The following LRRC4C variants were observed in gnomAD, a reference collection of about 807,000 sequenced individuals.
The protein encoded by LRRC4C is leucine rich repeat containing 4C, also known as leucine-rich repeat-containing protein 4C.
In LRRC4C, 5 loss-of-function variants were observed where a neutral mutation model predicts 33.6. The observed-to-expected ratio is 0.15, with a 90% CI of 0.08 to 0.31. The LOEUF (loss-of-function observed/expected upper bound fraction) is 0.31, where lower values mean the gene tolerates loss of function less well. Ranked by LOEUF, LRRC4C falls within the 10% of genes least tolerant of loss-of-function variation. The pLI is 1.00. For missense variants in LRRC4C, 560 were observed against 796.7 expected (o/e 0.70, Z 3.58); for synonymous variants, 329 against 302.0 (o/e 1.09, Z -0.93).
At chr11:41,230,825 C>T (rs191973857) in intron 1 of LRRC4C, among the ~76,000 whole-genome samples, 2,085 of 145,206 alleles carry the variant, frequency 0.014, 31 homozygotes, top group African/African-American at 0.05. Flanking sequence ...AGGCAACCTA[C>T]AGAATGGGAG....
intron 1 of LRRC4C, among the ~76,000 whole-genome samples, chr11:41,434,004 T>G (rs1955336681): frequency 6.6e-6 from 1 of 152,076 alleles, no homozygotes; most frequent in African/African-American, 2.4e-5. Flanking sequence ...ATTATAGAAC[T>G]TACTAAATAT....
At chr11:40,683,856 A>G (rs1281721672) in intron 2 of LRRC4C, among the ~76,000 whole-genome samples, 1 of 152,210 alleles carries the variant, frequency 6.6e-6, no homozygotes, top group Non-Finnish European at 1.5e-5. Context: ...TTGAAAAGGG[A>G]AAACATAAAC....
intron 1 of LRRC4C, among the ~76,000 whole-genome samples, chr11:41,353,086 A>C (rs950136191): frequency 3.3e-5 from 5 of 152,054 alleles, no homozygotes; most frequent in African/African-American, 1.2e-4. Flanking sequence ...AATAAAACCA[A>C]AAGTTGGTAC....
intron 1 of LRRC4C, among the ~76,000 whole-genome samples, chr11:41,026,461 G>A (rs548426213): frequency 6.6e-6 from 1 of 151,410 alleles, no homozygotes; most frequent in East Asian, 1.9e-4. Flanking sequence ...GAGCAAAGAA[G>A]GTGATTTCTT....
At chr11:40,650,659 G>C (rs1268853409) in intron 2 of LRRC4C, among the ~76,000 whole-genome samples, 1 of 151,754 alleles carries the variant, frequency 6.6e-6, no homozygotes, top group Non-Finnish European at 1.5e-5. Flanking sequence ...CACTTGTTTT[G>C]GCCTGAAATT....
rs781008302 is a variant in LRRC4C at position 40,116,263 on chromosome 11, C to T, written c.30G>A (p.Gln10=). 1.2e-6 allele frequency: 2 copies of T among 1,606,746 alleles called. No individual in the cohort carries two copies. The highest frequency in any genetic ancestry group is 1.7e-5 in the Admixed American group (1 of 59,656). ...TAAACCTAGGACCTATCATTATCTGCTGTGGATGTAAGGTCATCTTGTTCA... is the reference window on the plus strand; with the variant it reads ...TAAACCTAGGACCTATCATTATCTGTTGTGGATGTAAGGTCATCTTGTTCA... MLNKMTLHP[Q]QIMIGPRFNR... Residue 10 remains glutamine, a synonymous_variant, in exon 7 of 7, where the codon CAG becomes CAA. Transcript: ENST00000528697.
chr11:41,438,355 C>T (rs1413629235), intron 1 of LRRC4C, among the ~76,000 whole-genome samples: 1 of 151,830 alleles, frequency 6.6e-6, no homozygotes, highest in Non-Finnish European at 1.5e-5. Flanking sequence ...GTAGACTTAC[C>T]AAATACAAGA....
intron 1 of LRRC4C, among the ~76,000 whole-genome samples, chr11:41,023,834 C>T (rs1388327528): frequency 6.6e-6 from 1 of 151,560 alleles, no homozygotes; most frequent in African/African-American, 2.4e-5. Context: ...ATGGCCTGAG[C>T]AGCAGAAAAA....
At chr11:40,381,008 C>G (rs565794967) in intron 3 of LRRC4C, among the ~76,000 whole-genome samples, 7 of 152,226 alleles carry the variant, frequency 4.6e-5, no homozygotes, top group Non-Finnish European at 1.0e-4. Flanking sequence ...TTACAGCGGA[C>G]TGGATATTCA....
intron 3 of LRRC4C, among the ~76,000 whole-genome samples, chr11:40,472,007 C>T (rs1952963523): frequency 6.6e-6 from 1 of 152,102 alleles, no homozygotes; most frequent in South Asian, 2.1e-4. Flanking sequence ...TTAAGAAACT[C>T]ACTCGAGGCC....
intron 4 of LRRC4C, among the ~76,000 whole-genome samples, chr11:40,265,411 T>C (rs1942174591): frequency 6.6e-6 from 1 of 152,210 alleles, no homozygotes; most frequent in South Asian, 2.1e-4. Flanking sequence ...ACATCACAGT[T>C]TCAGACATTT....
chr11:41,394,635 A>C (rs1301243671), intron 1 of LRRC4C: 1 of 152,010 alleles, frequency 6.6e-6, no homozygotes, highest in Non-Finnish European at 1.5e-5. Flanking sequence ...TAATAAATGC[A>C]AAGTACTTAA....
intron 3 of LRRC4C, among the ~76,000 whole-genome samples, chr11:40,474,357 G>A (rs970331186): frequency 6.6e-6 from 1 of 152,102 alleles, no homozygotes; most frequent in Non-Finnish European, 1.5e-5. Flanking sequence ...AATAAATGGT[G>A]CTGGGAAAAC....
chr11:41,192,420 CACACAT>C (rs1368914709), intron 1 of LRRC4C, among the ~76,000 whole-genome samples: 14 of 144,114 alleles, frequency 9.7e-5, no homozygotes, highest in East Asian at 4.5e-4. Context: ...CACACACACA[CACACAT>C]ATATATACAT....
At chr11:40,244,278 A>G (rs1023466220) in intron 4 of LRRC4C, among the ~76,000 whole-genome samples, 1 of 151,990 alleles carries the variant, frequency 6.6e-6, no homozygotes, top group Non-Finnish European at 1.5e-5. Flanking sequence ...TCTCTCTGAG[A>G]ACCCCCACTT....
At chr11:40,373,957 G>A (rs1590501427) in intron 3 of LRRC4C, among the ~76,000 whole-genome samples, 1 of 152,116 alleles carries the variant, frequency 6.6e-6, no homozygotes, top group East Asian at 1.9e-4. Flanking sequence ...ATTTCTTTAT[G>A]ACAATGCAAA....
rs149569566 is a variant in LRRC4C at position 41,087,489 on chromosome 11, G to A, written c.-495-153766C>T. ...TCTTCATTGCAATTGCAATTAATTT[G>A]GTATATGTTAGTAATTTTTTTAAGG... On this transcript the variant is annotated intron_variant, in intron 1 of 6. Coordinates refer to ENST00000528697, the MANE Select transcript of LRRC4C (RefSeq NM_001258419.2). 2.9e-3 allele frequency among the ~76,000 whole-genome samples: 443 copies of A among 152,072 alleles called. 1 individual carries two copies. Among genetic ancestry groups the A allele is most frequent in the African/African-American group, 8.6e-3 (358 of 41,506 alleles).
At chr11:41,432,285 CG>C (rs1955265334) in intron 1 of LRRC4C, among the ~76,000 whole-genome samples, 1 of 152,122 alleles carries the variant, frequency 6.6e-6, no homozygotes, top group Admixed American at 6.6e-5. Context: ...TTTAGCTTAA[CG>C]TTTTATTTGT....
chr11:40,864,003 A>T (rs569146800), intron 2 of LRRC4C, among the ~76,000 whole-genome samples: 52 of 152,242 alleles, frequency 3.4e-4, no homozygotes, highest in Non-Finnish European at 5.4e-4. Flanking sequence ...AAAAATAATT[A>T]TATTGATGGC....
Sources: gnomAD v4.1 joint callset for allele counts (sites outside exome capture counted in the v4.1 genomes callset) on GRCh38, gnomAD v4.1.1 for gene constraint, MANE v1.5 for transcripts, NCBI Gene and HGNC (gene_info 2026-07-23, HGNC 2026-07-21) for gene names.